The following TBC1D25 variants were observed in gnomAD, a reference collection of about 807,000 sequenced individuals.
TBC1D25 encodes the protein 5SN3 snoRNA.
In TBC1D25, 13 loss-of-function variants were observed where a neutral mutation model predicts 38.8. The observed-to-expected ratio is 0.34, with a 90% CI of 0.22 to 0.53. The LOEUF (loss-of-function observed/expected upper bound fraction) is 0.53. Ranked by LOEUF, TBC1D25 falls within the 20% of genes least tolerant of loss-of-function variation. The pLI is 0.94. For missense variants in TBC1D25, 372 were observed against 600.0 expected, an observed-to-expected ratio of 0.62 and a Z score of 3.97; for synonymous variants, 225 against 255.6, an observed-to-expected ratio of 0.88 and a Z score of 1.14.
At position 48,539,880 on chromosome X, in the gene TBC1D25, C is replaced by T; in HGVS notation, c.83C>T (p.Ala28Val). The part of the protein sequence containing the change: ...PGVGAQAAAA[A>V]EEEEREVVRV... ...GTGGGAGCTCAGGCGGCGGCGGCCG[C>T]TGAGGAGGAGGAGCGAGAGGTGGTG... The change falls in exon 1 of 6, where the codon GCT becomes GTT. Residue 28 changes from alanine (A) to valine (V), a missense_variant. Ala to Val is a moderately conservative substitution (Grantham distance 64, BLOSUM62 0). Around this residue, in one of 2 missense-constraint regions of TBC1D25, gnomAD observed 60 missense variants for 50.7 expected, o/e 1.18. Transcript: ENST00000376771. 1 of 963,780 alleles carries T rather than the reference C, an allele frequency of 1.0e-6. No individual in the cohort carries two copies. 79.4% of individuals were successfully genotyped at this position (963,780 alleles called of 1,213,427 possible). A position where few individuals can be genotyped will look rare whatever the true frequency, so the allele number is the denominator to read the frequency against.
rs148722919 is a variant in TBC1D25, at chrX:48,558,899, C to T, written c.391C>T (p.Pro131Ser). 57 of 1,209,595 alleles carry T rather than the reference C, an allele frequency of 4.7e-5. No homozygotes were observed. The highest frequency in any genetic ancestry group is 6.3e-5 in the Non-Finnish European group (56 of 895,148). ...AGCACTTTGTTCTGTTTGCCCAGGC[C>T]CATTGCTAGAAGACTGGGACATAAT... The part of the protein sequence containing the change: ...RVDIRPSEDS[P>S]LLEDWDIISP... The change falls in exon 4 of 6, where the codon CCA (proline) becomes TCA (serine). Residue 131 changes from proline to serine, a missense_variant and splice_region_variant. Pro to Ser is a moderately conservative substitution (Grantham distance 74). Coordinates refer to ENST00000376771, the MANE Select transcript of TBC1D25 (RefSeq NM_002536.4).
At chrX:48,548,697 A>G (rs1262015513) in intron 3 of TBC1D25, among the ~76,000 whole-genome samples, 1 of 111,254 alleles carries the variant, frequency 9.0e-6, no homozygotes, top group Non-Finnish European at 1.9e-5. Flanking sequence ...TTTTGCCCCG[A>G]GGGAATCGGT....
chrX:48,548,363 G>A (rs1307581549), intron 3 of TBC1D25, among the ~76,000 whole-genome samples: 5 of 110,396 alleles, frequency 4.5e-5, no homozygotes, highest in Non-Finnish European at 7.6e-5. Context: ...CAGTCTGCCC[G>A]CCTCAGCCTC....
rs2061822409 is a variant in TBC1D25, at chrX:48,539,744, G to T, written c.-54G>T. On this transcript the variant is annotated 5_prime_UTR_variant, in exon 1 of 6. Transcript: ENST00000376771. ...GGCGGGCGTCAGTACAGTAGAGTGT[G>T]CGCCGGGGTGGGGGGCAACGGTCAG... 9 of 941,880 alleles carry T rather than the reference G, an allele frequency of 9.6e-6. No homozygotes were observed. Among genetic ancestry groups the T allele is most frequent in the Admixed American group, 5.9e-5 (1 of 17,047 alleles). 77.6% of individuals were successfully genotyped at this position (941,880 alleles called of 1,213,427 possible). A position where few individuals can be genotyped will look rare whatever the true frequency, so the allele number is the denominator to read the frequency against.
intron 3 of TBC1D25, among the ~76,000 whole-genome samples, chrX:48,549,136 A>G (rs942167462): frequency 8.9e-6 from 1 of 112,497 alleles, no homozygotes; most frequent in Non-Finnish European, 1.9e-5. Flanking sequence ...CTTGACCTCA[A>G]GCTCTCCTCC....
intron 2 of TBC1D25, among the ~76,000 whole-genome samples, chrX:48,542,365 A>G (rs192857401): frequency 0.014 from 1,508 of 108,759 alleles, 19 homozygotes; most frequent in Middle Eastern, 0.081. Flanking sequence ...ACAAGGTTTC[A>G]CCATGTTGGT....
rs782639697 is a variant in TBC1D25 at position 48,544,829 on chromosome X, C to T, written c.234-40C>T. ...GAAACTGTCCCTGAGGCCTCCAGGGCACCAGGGGCCCTGAGAGCTCCCTCG... is the reference window on the plus strand; with the variant it reads ...GAAACTGTCCCTGAGGCCTCCAGGGTACCAGGGGCCCTGAGAGCTCCCTCG... On this transcript the variant is annotated intron_variant, in intron 2 of 5. Coordinates refer to ENST00000376771, the MANE Select transcript of TBC1D25 (RefSeq NM_002536.4). 4 of 1,201,414 alleles carry T rather than the reference C, an allele frequency of 3.3e-6. No homozygotes were observed. In the East Asian group the frequency reaches 1.2e-4, roughly 36 times the overall value.
intron 3 of TBC1D25, among the ~76,000 whole-genome samples, chrX:48,546,530 A>C (rs1556981886): frequency 1.8e-5 from 2 of 111,189 alleles, no homozygotes; most frequent in African/African-American, 6.5e-5. Flanking sequence ...AAATAAAATA[A>C]AAAATAAAAA....
chrX:48,541,356 A>G lies in TBC1D25; in HGVS notation c.147A>G (p.Pro49=). The change falls in exon 2 of 6, where the codon CCA becomes CCG. Residue 49 remains proline (P), a synonymous_variant. Transcript: ENST00000376771. ...AGAAATGTGAGAGCTTCTTGCCGCCAGAGTTCCGCTCTTTTGCTGTAGATC... is the reference window on the plus strand; with the variant it reads ...AGAAATGTGAGAGCTTCTTGCCGCCGGAGTTCCGCTCTTTTGCTGTAGATC... ...RVKKCESFLP[P]EFRSFAVDPQ... 1.7e-6 allele frequency: 2 copies of G among 1,211,770 alleles called. No individual in the cohort carries two copies. The highest frequency in any genetic ancestry group is 3.5e-5 in the South Asian group (2 of 57,006).
Position 48,560,804 on chromosome X carries a change from C to A in TBC1D25, c.1896C>A (p.His632Gln). 1 of 1,212,415 alleles carries A rather than the reference C, an allele frequency of 8.2e-7. No homozygotes were observed. Among genetic ancestry groups the A allele is most frequent in the Non-Finnish European group, 1.1e-6 (1 of 895,610 alleles). Reference protein sequence around the residue: ...CLAILLEHRDHIMRNGLDYNE... With the variant: ...CLAILLEHRDQIMRNGLDYNE... ...CCATCCTGCTGGAGCACCGCGACCA[C>A]ATCATGCGCAATGGGCTGGATTATA... Residue 632 changes from histidine (H) to glutamine (Q), a missense_variant, in exon 6 of 6, where the codon CAC (histidine) becomes CAA (glutamine). His to Gln is a conservative substitution (Grantham distance 24). Around this residue, in one of 2 missense-constraint regions of TBC1D25, gnomAD observed 312 missense variants for 549.3 expected, o/e 0.57. Coordinates refer to ENST00000376771, the MANE Select transcript of TBC1D25 (RefSeq NM_002536.4).
At chrX:48,559,082 C>T (rs2061999320) in intron 4 of TBC1D25, 58 bp downstream of exon 4, 2 of 1,204,896 alleles carry the variant, frequency 1.7e-6, no homozygotes, top group Non-Finnish European at 2.2e-6. Context: ...CTTCCTGGCA[C>T]CCTGGTTCTG....
rs2062007894 is a variant in TBC1D25 at position 48,559,868 on chromosome X, C to T, written c.960C>T (p.Thr320=). 8.3e-7 allele frequency: 1 copy of T among 1,210,301 alleles called. No homozygotes were observed. The highest frequency in any genetic ancestry group is 1.1e-6 in the Non-Finnish European group (1 of 895,293). The stretch of plus-strand genomic sequence containing the variant: ...GGGCGCTGCACGACCTGCTCACCAC[C>T]TATGCCGTTACCCACCCACAGGTGT... ...HLRALHDLLT[T]YAVTHPQVSY... Residue 320 remains threonine, a synonymous_variant, in exon 6 of 6, where the codon ACC becomes ACT. Coordinates refer to ENST00000376771, the MANE Select transcript of TBC1D25 (RefSeq NM_002536.4).
intron 3 of TBC1D25, among the ~76,000 whole-genome samples, chrX:48,548,647 T>TG (rs1378494860): frequency 1.8e-5 from 2 of 111,741 alleles, no homozygotes; most frequent in African/African-American, 6.5e-5. Context: ...TGAAGTCTCC[T>TG]GGGAACGCTA....
chrX:48,546,488 G>C (rs896853087), intron 3 of TBC1D25, among the ~76,000 whole-genome samples: 1 of 111,046 alleles, frequency 9.0e-6, no homozygotes, highest in South Asian at 3.7e-4. Context: ...ACTCCAGCCT[G>C]GGCAACAGAG....
rs782663445 is a variant in TBC1D25, at chrX:48,559,340, G to A, written c.699G>A (p.Leu233=). The A allele has an allele frequency of 1.3e-5, 16 of 1,205,156 alleles. No homozygotes were observed. The East Asian group carries it at 4.5e-4, about 34-fold the overall frequency. The part of the protein sequence containing the change: ...RIYHGGVEPS[L]RKVVWRYLLN... ...ATCATGGCGGTGTGGAGCCCTCGCTGCGAAAGGTGAGCATCCTCAGTCATC... is the reference window on the plus strand; with the variant it reads ...ATCATGGCGGTGTGGAGCCCTCGCTACGAAAGGTGAGCATCCTCAGTCATC... Residue 233 remains leucine (L), a synonymous_variant, in exon 5 of 6, where the codon CTG becomes CTA. Transcript: ENST00000376771.
At position 48,541,398 on chromosome X, in the gene TBC1D25, C is replaced by T. The variant is rs782346543; in HGVS notation, c.189C>T (p.Leu63=). The change falls in exon 2 of 6, where the codon CTC becomes CTT. Residue 63 remains leucine, a synonymous_variant. Transcript: ENST00000376771. ...CTGTAGATCCCCAGATCACCTCGCT[C>T]GACGTGTTGCAGCACATCCTCATCC... ...SFAVDPQITS[L]DVLQHILIRA... 1.7e-6 allele frequency: 2 copies of T among 1,211,931 alleles called. No individual in the cohort carries two copies. The highest frequency in any genetic ancestry group is 3.5e-5 in the South Asian group (2 of 57,022).
intron 3 of TBC1D25, among the ~76,000 whole-genome samples, chrX:48,557,643 C>CA (rs782150312): frequency 0.024 from 1,967 of 80,525 alleles, 66 homozygotes; most frequent in African/African-American, 0.078. Flanking sequence ...AACTCCGCCT[C>CA]AAAAAAAAAA....
chrX:48,540,883 ACAAT>A (rs1313943076), intron 1 of TBC1D25, among the ~76,000 whole-genome samples: 1 of 112,224 alleles, frequency 8.9e-6, no homozygotes, highest in Non-Finnish European at 1.9e-5. Context: ...GGGGATCAGC[ACAAT>A]CAATGGCCTG....
chrX:48,542,088 TC>T (rs1209047133), intron 2 of TBC1D25, among the ~76,000 whole-genome samples: 1 of 102,150 alleles, frequency 9.8e-6, no homozygotes, highest in Non-Finnish European at 2.0e-5. Flanking sequence ...CAGTGACATC[TC>T]CCAGGTTCAA....
Sources: gnomAD v4.1 joint callset for allele counts (sites outside exome capture counted in the v4.1 genomes callset) on GRCh38, gnomAD v4.1.1 for gene constraint, gnomAD v4.1.1 regional missense constraint, MANE v1.5 for transcripts, NCBI Gene and HGNC (gene_info 2026-07-23, HGNC 2026-07-21) for gene names.